The following KLHL38 variants were observed in gnomAD, a reference collection of about 807,000 sequenced individuals.
KLHL38 encodes kelch-like protein 38.
Under a neutral mutation model 39.6 loss-of-function variants are expected in KLHL38, and 38 were observed. The ratio of observed to expected loss-of-function variants is 0.96; its 90% confidence interval spans 0.74 to 1.26. The LOEUF is 1.26. KLHL38 is among the 50% of genes most tolerant of loss of function. KLHL38 has a pLI of 0.00. For missense variants in KLHL38, 803 were observed against 748.1 expected (o/e 1.07, Z -0.86); for synonymous variants, 322 against 302.2 (o/e 1.07, Z -0.68).
chr8:123,646,700 G>T (rs756426170), intron 3 of KLHL38, among the ~76,000 whole-genome samples: 5 of 152,194 alleles, frequency 3.3e-5, no homozygotes, highest in African/African-American at 7.2e-5. Context: ...TGTGAGATAG[G>T]TATTATTTCA....
rs765809579 is a variant in KLHL38, at chr8:123,651,733, C to A, written c.1194G>T (p.Met398Ile). 2 of 1,614,206 alleles carry A rather than the reference C, an allele frequency of 1.2e-6. No individual in the cohort carries two copies. The highest frequency in any genetic ancestry group is 2.2e-5 in the South Asian group (2 of 91,080). The change falls in exon 2 of 4, where the codon ATG becomes ATT. Residue 398 changes from methionine (M) to isoleucine (I), a missense_variant. By Grantham distance (10) the Met-to-Ile change is conservative. Transcript: ENST00000684634. ...IGGIGEGQEL[M>I]GSMERYDSIC... ...TGCTGTCATACCTTTCCATGGAGCC[C>A]ATGAGCTCCTGCCCTTCTCCAATCC...
At chr8:123,651,393 CAT>C (rs1302474196) in intron 2 of KLHL38, among the ~76,000 whole-genome samples, 182 bp downstream of exon 2, 1 of 152,166 alleles carries the variant, frequency 6.6e-6, no homozygotes, top group Admixed American at 6.5e-5. Flanking sequence ...TACATTTCTG[CAT>C]ATATGTGTGC....
intron 2 of KLHL38, among the ~76,000 whole-genome samples, chr8:123,648,406 G>A (rs1818696861): frequency 6.6e-6 from 1 of 152,204 alleles, no homozygotes; most frequent in South Asian, 2.1e-4. Context: ...TGTCCTTCAA[G>A]AAGTCAGTGA....
At position 123,647,018 on chromosome 8, in the gene KLHL38, A is replaced by C; in HGVS notation, c.1351-4T>G. 1 of 1,504,444 alleles carries C rather than the reference A, an allele frequency of 6.6e-7. No individual in the cohort carries two copies. The highest frequency in any genetic ancestry group is 9.2e-7 in the Non-Finnish European group (1 of 1,082,024). The allele number at this position is 1,504,444 out of a possible 1,614,324, so 93.2% of individuals were successfully genotyped here. A position where few individuals can be genotyped will look rare whatever the true frequency, so the allele number is the denominator to read the frequency against. ...AGTTTCTGGAAATGTGATAAACCTG[A>C]GGGAGAGAGAGAATCATGGCACTGC... On this transcript the variant is annotated splice_polypyrimidine_tract_variant and splice_region_variant and intron_variant, in intron 2 of 3. Transcript: ENST00000684634.
intron 2 of KLHL38, among the ~76,000 whole-genome samples, chr8:123,650,469 G>A (rs920567275): frequency 1.3e-5 from 2 of 152,234 alleles, no homozygotes; most frequent in East Asian, 1.9e-4. Context: ...TCTCTTCAGC[G>A]TCTGAATTGC....
intron 3 of KLHL38, among the ~76,000 whole-genome samples, chr8:123,646,315 G>A (rs1186170330): frequency 6.6e-6 from 1 of 152,212 alleles, no homozygotes; most frequent in Non-Finnish European, 1.5e-5. Flanking sequence ...AGCCTCATTG[G>A]CCTCTTCCTC....
At chr8:123,648,463 C>T (rs1351308726) in intron 2 of KLHL38, among the ~76,000 whole-genome samples, 1 of 152,156 alleles carries the variant, frequency 6.6e-6, no homozygotes, top group Non-Finnish European at 1.5e-5. Context: ...TCACAATGGC[C>T]GTTTCATCGG....
At chr8:123,653,061 A>C in intron 1 of KLHL38, 134 bp from the exon 2 acceptor site, 2 of 877,920 alleles carry the variant, frequency 2.3e-6, no homozygotes, top group Non-Finnish European at 1.7e-6. Flanking sequence ...TGCGGATGTC[A>C]CCATGGATAT....
In KLHL38 at chr8:123,651,965, C is replaced by A; in HGVS notation, c.962G>T (p.Arg321Leu). The A allele has an allele frequency of 3.1e-6, 5 of 1,614,220 alleles. No homozygotes were observed. Among genetic ancestry groups the A allele is most frequent in the South Asian group, 1.1e-5 (1 of 91,072 alleles). ...GGTGATGGCAGAGGCCTTGTACAGC[C>A]GTGTCGGGAGTTTGGCAAGGCTCTG... Reference protein sequence around the residue: ...QWQSLAKLPTRLYKASAITLH... With the variant: ...QWQSLAKLPTLLYKASAITLH... Residue 321 changes from arginine (R) to leucine (L), a missense_variant, in exon 2 of 4, where the codon CGG (arginine) becomes CTG (leucine). By Grantham distance (102) the Arg-to-Leu change is moderately radical (BLOSUM62 -2). Coordinates refer to ENST00000684634, the MANE Select transcript of KLHL38 (RefSeq NM_001081675.3).
At position 123,651,660 on chromosome 8, in the gene KLHL38, G is replaced by C; in HGVS notation, c.1267C>G (p.His423Asp). Reference protein sequence around the residue: ...SMASMPVGVLHPAVAVKDQRL... With the variant: ...SMASMPVGVLDPAVAVKDQRL... The stretch of plus-strand genomic sequence containing the variant: ...TGGTCTTTCACAGCGACTGCGGGGT[G>C]GAGCACCCCCACGGGCATGCTGGCC... Residue 423 changes from histidine to aspartate, a missense_variant, in exon 2 of 4, where the codon CAC becomes GAC. Physicochemically the swap from His to Asp is moderately conservative, Grantham distance 81. Coordinates refer to ENST00000684634, the MANE Select transcript of KLHL38 (RefSeq NM_001081675.3). 6.2e-7 allele frequency: 1 copy of C among 1,614,012 alleles called. No homozygotes were observed. Among genetic ancestry groups the C allele is most frequent in the Non-Finnish European group, 8.5e-7 (1 of 1,179,986 alleles).
intron 1 of KLHL38, 32 bp from the exon 2 acceptor site, chr8:123,652,959 G>T: frequency 6.4e-7 from 1 of 1,555,354 alleles, no homozygotes; most frequent in Middle Eastern, 1.7e-4. Flanking sequence ...CCCAGAGTCA[G>T]CAAGAGTCAA....
intron 2 of KLHL38, among the ~76,000 whole-genome samples, chr8:123,650,308 T>TA (rs913731363): frequency 5.3e-5 from 8 of 151,982 alleles, no homozygotes; most frequent in Non-Finnish European, 8.8e-5. Flanking sequence ...GCTGATGAGC[T>TA]AAAAAAAATC....
rs570188890 is a variant in KLHL38, at chr8:123,644,613, A to G, written c.*1126T>C. 6.6e-6 allele frequency among the ~76,000 whole-genome samples: 1 copy of G among 152,342 alleles called. No individual in the cohort carries two copies. Among genetic ancestry groups the G allele is most frequent in the East Asian group, 1.9e-4 (1 of 5,188 alleles). ...CCACCTGGACCAAGCAGTTCCAGGA[A>G]TCCTCTGGGTTCTCTCAGCCCTCTT... On this transcript the variant is annotated 3_prime_UTR_variant, in exon 4 of 4. Coordinates refer to ENST00000684634, the MANE Select transcript of KLHL38 (RefSeq NM_001081675.3).
In KLHL38 at chr8:123,652,792, G is replaced by T; in HGVS notation, c.135C>A (p.Ile45=). 6.2e-7 allele frequency: 1 copy of T among 1,614,012 alleles called. No individual in the cohort carries two copies. The highest frequency in any genetic ancestry group is 8.5e-7 in the Non-Finnish European group (1 of 1,180,032). The part of the protein sequence containing the change: ...DVSICAGARE[I]PCHRNVLASS... ...AGGCCAGCACGTTGCGGTGGCAGGG[G>T]ATCTCCCGGGCACCGGCACAGATGC... The change falls in exon 2 of 4, where the codon ATC becomes ATA. Residue 45 remains isoleucine (I), a synonymous_variant. Transcript: ENST00000684634.
chr8:123,652,806 C>A lies in KLHL38; in HGVS notation c.121G>T (p.Gly41Cys), dbSNP rs199511281. 6.2e-7 allele frequency: 1 copy of A among 1,613,640 alleles called. No homozygotes were observed. The highest frequency in any genetic ancestry group is 8.5e-7 in the Non-Finnish European group (1 of 1,180,024). Residue 41 changes from glycine (G) to cysteine (C), a missense_variant, in exon 2 of 4, where the codon GGT becomes TGT. Physicochemically the swap from Gly to Cys is radical, Grantham distance 159. Coordinates refer to ENST00000684634, the MANE Select transcript of KLHL38 (RefSeq NM_001081675.3). ...CGGTGGCAGGGGATCTCCCGGGCAC[C>A]GGCACAGATGCTCACATCAGTCAGG... ...RILTDVSICAGAREIPCHRNV... is the reference protein window; with the variant it reads ...RILTDVSICACAREIPCHRNV...
In KLHL38 at chr8:123,645,870, C is replaced by T. The variant is rs1818653938; in HGVS notation, c.1615G>A (p.Asp539Asn). Residue 539 changes from aspartate to asparagine, a missense_variant, in exon 4 of 4, where the codon GAC (aspartate) becomes AAC (asparagine). By Grantham distance (23) the Asp-to-Asn change is conservative. Transcript: ENST00000684634. ...RRLTTDCNIE[D>N]SASFDCYDPE... ...TCGTAGCAATCGAAGGAGGCGGAGT[C>T]CTCAATGTTGCAGTCCGTGGTCAGC... 1.2e-6 allele frequency: 2 copies of T among 1,613,938 alleles called. No homozygotes were observed. The highest frequency in any genetic ancestry group is 1.3e-5 in the African/African-American group (1 of 74,866).
Position 123,645,541 on chromosome 8 carries a change from GGA to G in KLHL38, c.*196_*197del. On this transcript the variant is annotated 3_prime_UTR_variant, in exon 4 of 4. Transcript: ENST00000684634. ...AAAGACAGAGACAGATGGAGGTGGG[GGA>G]GAGAGATAAGGAGAGAGGCAGAGAA... 1.7e-6 allele frequency: 1 copy of G among 594,822 alleles called. No homozygotes were observed. The highest frequency in any genetic ancestry group is 3.0e-6 in the Non-Finnish European group (1 of 335,758). 36.8% of individuals were successfully genotyped at this position (594,822 alleles called of 1,614,324 possible).
chr8:123,652,434 C>G lies in KLHL38; in HGVS notation c.493G>C (p.Glu165Gln). The G allele has an allele frequency of 6.2e-7, 1 of 1,614,158 alleles. No individual in the cohort carries two copies. The highest frequency in any genetic ancestry group is 8.5e-7 in the Non-Finnish European group (1 of 1,180,040). ...TTCAGGTCGGCCGATGCGGCCACCTCTGGGAAGGACGTCAGTGCCACCTCC... is the reference window on the plus strand; with the variant it reads ...TTCAGGTCGGCCGATGCGGCCACCTGTGGGAAGGACGTCAGTGCCACCTCC... Reference protein sequence around the residue: ...AREVALTSFPEVAASADLKEL... With the variant: ...AREVALTSFPQVAASADLKEL... The change falls in exon 2 of 4, where the codon GAG becomes CAG. Residue 165 changes from glutamate (E) to glutamine (Q), a missense_variant. Coordinates refer to ENST00000684634, the MANE Select transcript of KLHL38 (RefSeq NM_001081675.3).
chr8:123,648,644 C>G (rs1818700643), intron 2 of KLHL38, among the ~76,000 whole-genome samples: 1 of 152,156 alleles, frequency 6.6e-6, no homozygotes, highest in African/African-American at 2.4e-5. Context: ...TCATAATACC[C>G]CAAAGAGGCT....
Sources: gnomAD v4.1 joint callset for allele counts (sites outside exome capture counted in the v4.1 genomes callset) on GRCh38, gnomAD v4.1.1 for gene constraint, MANE v1.5 for transcripts, NCBI Gene and HGNC (gene_info 2026-07-23, HGNC 2026-07-21) for gene names.